Variants in LRRC71 observed in about 807,000 individuals in gnomAD.
The protein encoded by LRRC71 is leucine rich repeat containing 71, also known as leucine-rich repeat-containing protein 71.
In LRRC71, 54 loss-of-function variants were observed where a neutral mutation model predicts 66.6. That is an observed-to-expected ratio of 0.81 (90% CI 0.65 to 1.02). The LOEUF (loss-of-function observed/expected upper bound fraction) is 1.02. Among genes scored for constraint, LRRC71 ranks in the 50% least tolerant of loss-of-function variants. The pLI, the probability that LRRC71 is intolerant of heterozygous loss-of-function variation, is 0.00. For synonymous variants in LRRC71, 323 were observed against 303.9 expected, an observed-to-expected ratio of 1.06 and a Z score of -0.65; for missense variants, 724 against 718.0, an observed-to-expected ratio of 1.01 and a Z score of -0.10.
chr1:156,921,755 A>G (rs1160375618), intron 1 of LRRC71: 1 of 567,648 alleles, frequency 1.8e-6, no homozygotes, highest in Non-Finnish European at 2.2e-6. Flanking sequence ...ACACACACAC[A>G]CACACACAGA....
chr1:156,931,716 GT>G (rs1386364573), intron 12 of LRRC71, among the ~76,000 whole-genome samples, 199 bp from the exon 13 acceptor site: 1 of 152,002 alleles, frequency 6.6e-6, no homozygotes, highest in Non-Finnish European at 1.5e-5. Context: ...TCCAGACCAC[GT>G]TACTTTCACT....
At chr1:156,938,777 G>T in the LRRC71 span, 1 of 440,220 alleles carries the variant, frequency 2.3e-6, no homozygotes, top group Non-Finnish European at 4.0e-6. Flanking sequence ...AATGAAAAAT[G>T]CTGCTGGAAG....
In LRRC71 at chr1:156,928,404, C is replaced by CTTCTTCTTCTTCCTCTTA. The variant is rs1489149621; in HGVS notation, c.996+403_996+404insTTCTTCTTCCTCTTATTC. 2.5e-4 allele frequency among the ~76,000 whole-genome samples: 33 copies of CTTCTTCTTCTTCCTCTTA among 133,496 alleles called. 1 individual carries two copies. The highest frequency in any genetic ancestry group is 1.1e-3 in the African/African-American group (32 of 29,106). The allele number at this position is 133,496 out of a possible 152,430, so 87.6% of individuals were successfully genotyped here. On this transcript the variant is annotated intron_variant, in intron 9 of 14. Transcript: ENST00000337428. The stretch of plus-strand genomic sequence containing the variant: ...TCTTCTTCTTCTTCTTCTTCTTCTT[C>CTTCTTCTTCTTCCTCTTA]TTCCTCTTATTCCTCCTCCTCCTCT...
chr1:156,936,239 C>A (rs535258833), downstream of LRRC71: 29 of 781,112 alleles, frequency 3.7e-5, no homozygotes, highest in Non-Finnish European at 6.9e-5. Flanking sequence ...TTCATCAGCG[C>A]CTAAAGCCCT....
At chr1:156,930,706 GT>G (rs1407248620) in intron 12 of LRRC71, 89 bp downstream of exon 12, 2 of 1,232,776 alleles carry the variant, frequency 1.6e-6, no homozygotes, top group African/African-American at 3.0e-5. Context: ...CTCCTGGAAT[GT>G]GGTCTCCAGC....
chr1:156,926,062 C>A (rs369919599), intron 5 of LRRC71, among the ~76,000 whole-genome samples: 3 of 152,200 alleles, frequency 2.0e-5, no homozygotes, highest in African/African-American at 4.8e-5. Context: ...TTTTACATAG[C>A]GTCATTTCTA....
chr1:156,937,153 C>G, downstream of LRRC71: 1 of 1,584,404 alleles, frequency 6.3e-7, no homozygotes, highest in South Asian at 1.2e-5. Context: ...AGGACAGGAT[C>G]TAGGGCTCCC....
Position 156,927,282 on chromosome 1 carries a change from T to C in LRRC71, c.662+12T>C. ...GCCTTGGACAGCACGTGAGACTCCCTGCCCTCACCCCCTTTCTCTGGGCCT... is the reference window on the plus strand; with the variant it reads ...GCCTTGGACAGCACGTGAGACTCCCCGCCCTCACCCCCTTTCTCTGGGCCT... On this transcript the variant is annotated intron_variant, in intron 6 of 14. Coordinates refer to ENST00000337428, the MANE Select transcript of LRRC71 (RefSeq NM_144702.3). 6.2e-7 allele frequency: 1 copy of C among 1,612,568 alleles called. No homozygotes were observed. Among genetic ancestry groups the C allele is most frequent in the African/African-American group, 1.3e-5 (1 of 74,998 alleles).
At chr1:156,938,357 C>A in the LRRC71 span, 3 of 1,516,798 alleles carry the variant, frequency 2.0e-6, no homozygotes, top group South Asian at 1.2e-5. Flanking sequence ...TCCGACTCTG[C>A]CCTCACAGGT....
Position 156,926,337 on chromosome 1 carries a change from G to T in LRRC71, c.594-865G>T, listed in dbSNP as rs569591124. Among the ~76,000 whole-genome samples, 8 of 152,318 alleles carry T rather than the reference G, an allele frequency of 5.3e-5. No individual in the cohort carries two copies. The South Asian group carries it at 1.7e-3, about 32-fold the overall frequency. On this transcript the variant is annotated intron_variant, in intron 5 of 14. Coordinates refer to ENST00000337428, the MANE Select transcript of LRRC71 (RefSeq NM_144702.3). ...CTGACTGTGGCTGCACTTACCTCAA[G>T]GATCAACTGTGGTGGAGAATCTGCC...
At chr1:156,936,497 A>AAAAAAATATATATAT (rs370282821), downstream of LRRC71, among the ~76,000 whole-genome samples, 1 of 33,916 alleles carries the variant, frequency 2.9e-5, no homozygotes, top group African/African-American at 1.5e-4. Context: ...AAAAAAAAAA[A>AAAAAAATATATATAT]ATATATATAT....
chr1:156,929,771 G>C (rs1236986902), intron 11 of LRRC71, 42 bp downstream of exon 11: 5 of 1,512,384 alleles, frequency 3.3e-6, no homozygotes, highest in Admixed American at 4.0e-5. Flanking sequence ...CTGTGTGGAG[G>C]AGGGAAGAGT....
downstream of LRRC71, among the ~76,000 whole-genome samples, chr1:156,934,104 C>T (rs1655286887): frequency 6.6e-6 from 1 of 152,176 alleles, no homozygotes; most frequent in African/African-American, 2.4e-5. Flanking sequence ...ATGGTCACCC[C>T]AGCTTCTGCA....
intron 2 of LRRC71, 141 bp from the exon 3 acceptor site, chr1:156,924,283 G>T (rs1375224144): frequency 1.1e-5 from 14 of 1,324,862 alleles, no homozygotes; most frequent in African/African-American, 2.9e-5. Context: ...GCAGAGGCGC[G>T]AGTGGCCGGA....
intron 1 of LRRC71, 53 bp from the exon 2 acceptor site, chr1:156,923,896 G>A: frequency 3.5e-6 from 5 of 1,417,762 alleles, no homozygotes; most frequent in Non-Finnish European, 4.6e-6. Context: ...GAGAGCTTGG[G>A]GATGCGGGGG....
Position 156,929,210 on chromosome 1 carries a change from T to A in LRRC71, c.997-70T>A. On this transcript the variant is annotated intron_variant, in intron 9 of 14. Coordinates refer to ENST00000337428, the MANE Select transcript of LRRC71 (RefSeq NM_144702.3). ...ACTGCTCCCCAAGTATGGGTATAGC[T>A]ACCTTTCATGCCCCCATTGAGGAAG... 5.9e-6 allele frequency: 9 copies of A among 1,530,752 alleles called. No individual in the cohort carries two copies. The South Asian group carries it at 9.8e-5, about 17-fold the overall frequency. The allele number at this position is 1,530,752 out of a possible 1,614,324, so 94.8% of individuals were successfully genotyped here.
rs377739008 is a variant in LRRC71 at position 156,927,606 on chromosome 1, A to G, written c.773A>G (p.Asn258Ser). ...TGCAACCGGACCCTCGTCTCGCTCAACCTGGGTTTCAACCACATCGGTGAC... is the reference window on the plus strand; with the variant it reads ...TGCAACCGGACCCTCGTCTCGCTCAGCCTGGGTTTCAACCACATCGGTGAC... ...HSCNRTLVSL[N>S]LGFNHIGDEG... The change falls in exon 7 of 15, where the codon AAC becomes AGC. Residue 258 changes from asparagine (N) to serine (S), a missense_variant. Transcript: ENST00000337428. The G allele has an allele frequency of 2.3e-5, 37 of 1,602,144 alleles. No homozygotes were observed. Among genetic ancestry groups the G allele is most frequent in the African/African-American group, 2.7e-5 (2 of 74,776 alleles).
chr1:156,937,853 C>G (rs997947993), downstream of LRRC71, among the ~76,000 whole-genome samples: 1 of 152,206 alleles, frequency 6.6e-6, no homozygotes, highest in African/African-American at 2.4e-5. Flanking sequence ...GAGCAGGCAG[C>G]AGCCCTCTTG....
At chr1:156,932,826 A>G (rs771433412) in intron 14 of LRRC71, 27 bp from the exon 15 acceptor site, 67 of 1,582,994 alleles carry the variant, frequency 4.2e-5, no homozygotes, top group Non-Finnish European at 5.7e-5. Context: ...TCCTCTTGTC[A>G]GATGTCAGCC....
Sources: gnomAD v4.1 joint callset for allele counts (sites outside exome capture counted in the v4.1 genomes callset) on GRCh38, gnomAD v4.1.1 for gene constraint, MANE v1.5 for transcripts, NCBI Gene and HGNC (gene_info 2026-07-23, HGNC 2026-07-21) for gene names.